Variants in MAK observed in about 807,000 individuals in gnomAD.
The protein encoded by MAK is male germ cell associated kinase, also known as serine/threonine-protein kinase MAK.
In MAK, 65 loss-of-function variants were observed where a neutral mutation model predicts 82.6. The observed-to-expected ratio is 0.79, with a 90% CI of 0.64 to 0.97. MAK has a LOEUF of 0.97. MAK is among the 50% of genes least tolerant of loss of function. The pLI, the probability that MAK is intolerant of heterozygous loss-of-function variation, is 0.00. For missense variants in MAK, 703 were observed against 780.2 expected (o/e 0.90, Z 1.18); for synonymous variants, 250 against 274.2 (o/e 0.91, Z 0.87).
chr6:10,777,719 A>G (rs191061603), intron 11 of MAK, among the ~76,000 whole-genome samples: 12 of 152,008 alleles, frequency 7.9e-5, no homozygotes, highest in Non-Finnish European at 1.3e-4. Context: ...GCTCACCAAA[A>G]CCTCCACCTC....
intron 1 of MAK, among the ~76,000 whole-genome samples, chr6:10,835,770 C>T (rs898896542): frequency 6.6e-5 from 10 of 152,022 alleles, no homozygotes; most frequent in African/African-American, 2.4e-4. Context: ...ATGATGGTAG[C>T]GAGTGTTATT....
intron 2 of MAK, chr6:10,829,114 A>G (rs1242866441): frequency 6.6e-6 from 1 of 152,148 alleles, no homozygotes; most frequent in Non-Finnish European, 1.5e-5. Flanking sequence ...CCATCAGAGA[A>G]CCCAAGCCAG....
intron 13 of MAK, 124 bp from the exon 14 acceptor site, chr6:10,770,354 T>C: frequency 9.6e-7 from 1 of 1,042,274 alleles, no homozygotes; most frequent in Non-Finnish European, 1.5e-6. Context: ...TTTTAGGCAC[T>C]GAGCTGCACT....
intron 5 of MAK, 95 bp from the exon 6 acceptor site, chr6:10,809,037 T>C: frequency 1.8e-6 from 2 of 1,124,120 alleles, no homozygotes; most frequent in South Asian, 1.3e-5. Flanking sequence ...GAACCCCCTC[T>C]TTTATAATTC....
chr6:10,825,980 A>T lies in MAK; in HGVS notation c.101+4568T>A, dbSNP rs952894326. Among the ~76,000 whole-genome samples the T allele has an allele frequency of 8.5e-5, 13 of 152,182 alleles. 1 individual carries two copies. The highest frequency in any genetic ancestry group is 3.1e-4 in the African/African-American group (13 of 41,444). On this transcript the variant is annotated intron_variant, in intron 2 of 14. Coordinates refer to ENST00000354489, the MANE Select transcript of MAK (RefSeq NM_001242957.3). ...AATCGTCTCCACTCTTCTGCTAATC[A>T]GCCAGTTCCAAAAATTTGATCACAT...
chr6:10,778,634 G>A (rs1359506203), intron 11 of MAK, among the ~76,000 whole-genome samples: 1 of 152,092 alleles, frequency 6.6e-6, no homozygotes, highest in Admixed American at 6.6e-5. Flanking sequence ...CAGTAAGGCT[G>A]CAGCAAGAAC....
chr6:10,825,714 G>A (rs941662954), intron 2 of MAK, among the ~76,000 whole-genome samples: 3 of 152,000 alleles, frequency 2.0e-5, no homozygotes, highest in Non-Finnish European at 4.4e-5. Flanking sequence ...CCAGGAGTTA[G>A]CCTGGACTCT....
intron 14 of MAK, among the ~76,000 whole-genome samples, chr6:10,768,968 G>T (rs1376474393): frequency 2.6e-5 from 4 of 152,190 alleles, no homozygotes; most frequent in Non-Finnish European, 5.9e-5. Context: ...CCAGAGTTTT[G>T]GGAGGCCAAG....
chr6:10,787,171 TCAC>T (rs928228231), intron 10 of MAK, among the ~76,000 whole-genome samples: 3 of 151,994 alleles, frequency 2.0e-5, no homozygotes, highest in Non-Finnish European at 2.9e-5. Flanking sequence ...CACCTCCTGT[TCAC>T]CACTCCGCTA....
In MAK at chr6:10,763,779, A is replaced by T. The variant is rs1460537291; in HGVS notation, c.*673T>A. ...GGCAGGAGAATCACTTGAACCCAGG[A>T]GGTGGAGGTTGCAGTAAGCCAAGAT... On this transcript the variant is annotated 3_prime_UTR_variant, in exon 15 of 15. Coordinates refer to ENST00000354489, the MANE Select transcript of MAK (RefSeq NM_001242957.3). 1 of 150,990 alleles carries T rather than the reference A, an allele frequency of 6.6e-6. No individual in the cohort carries two copies. Among genetic ancestry groups the T allele is most frequent in the Non-Finnish European group, 1.5e-5 (1 of 68,006 alleles). 9.4% of individuals were successfully genotyped at this position (150,990 alleles called of 1,614,324 possible). A position where few individuals can be genotyped will look rare whatever the true frequency, so the allele number is the denominator to read the frequency against.
intron 11 of MAK, among the ~76,000 whole-genome samples, chr6:10,779,747 C>T (rs569643108): frequency 1.3e-5 from 2 of 152,224 alleles, no homozygotes; most frequent in Admixed American, 6.5e-5. Context: ...TGCAATGGCA[C>T]TATCTTGGCT....
rs1336000951 is a variant in MAK, at chr6:10,791,715, C to A, written c.1276G>T (p.Gly426Cys). ...TTTTTCCTTTTTTCTTTAAAAACAC[C>A]CATGCTTGGCTTCTTGGAATGGGAG... ...GASHSKKPSM[G>C]VFKEKRKKDS... The change falls in exon 10 of 15, where the codon GGT (glycine) becomes TGT (cysteine). Residue 426 changes from glycine to cysteine, a missense_variant. Coordinates refer to ENST00000354489, the MANE Select transcript of MAK (RefSeq NM_001242957.3). 1 of 1,613,874 alleles carries A rather than the reference C, an allele frequency of 6.2e-7. No individual in the cohort carries two copies. The highest frequency in any genetic ancestry group is 1.1e-5 in the South Asian group (1 of 91,058).
intron 6 of MAK, among the ~76,000 whole-genome samples, chr6:10,804,632 T>G (rs1249769157): frequency 1.3e-5 from 2 of 152,218 alleles, no homozygotes; most frequent in African/African-American, 4.8e-5. Flanking sequence ...CATGAGCCAC[T>G]GCACCCAGCC....
At chr6:10,768,893 C>T (rs1439909899) in intron 14 of MAK, among the ~76,000 whole-genome samples, 1 of 152,154 alleles carries the variant, frequency 6.6e-6, no homozygotes, top group Non-Finnish European at 1.5e-5. Context: ...AGGCTGTGAG[C>T]ACACTTTCAG....
intron 1 of MAK, among the ~76,000 whole-genome samples, chr6:10,832,408 C>A (rs778150361): frequency 6.6e-6 from 1 of 152,232 alleles, no homozygotes; most frequent in Non-Finnish European, 1.5e-5. Context: ...ACAGAGAAAT[C>A]TTTTATGAAA....
intron 7 of MAK, chr6:10,802,319 T>A (rs368350910): frequency 8.8e-5 from 36 of 409,032 alleles, no homozygotes; most frequent in African/African-American, 6.7e-4. Context: ...TTTTGTGTTT[T>A]TTTTGAGACA....
chr6:10,766,294 A>T (rs1772426575), intron 14 of MAK, among the ~76,000 whole-genome samples: 1 of 152,208 alleles, frequency 6.6e-6, no homozygotes, highest in Non-Finnish European at 1.5e-5. Flanking sequence ...TGAGGAGGGA[A>T]TTCTGTGAGC....
At position 10,808,888 on chromosome 6, in the gene MAK, A is replaced by G. The variant is rs1561981577; in HGVS notation, c.413T>C (p.Leu138Pro). ...AAGTCCAAAATCAGCAATTTTCACAAGCTCTGGACCCATACAAAGCAAGTT... is the reference window on the plus strand; with the variant it reads ...AAGTCCAAAATCAGCAATTTTCACAGGCTCTGGACCCATACAAAGCAAGTT... Reference protein sequence around the residue: ...PENLLCMGPELVKIADFGLAR... With the variant: ...PENLLCMGPEPVKIADFGLAR... Residue 138 changes from leucine to proline, a missense_variant, in exon 6 of 15, where the codon CTT becomes CCT. Physicochemically the swap from Leu to Pro is moderately conservative, Grantham distance 98. Transcript: ENST00000354489. The G allele has an allele frequency of 3.1e-6, 5 of 1,613,936 alleles. No homozygotes were observed. The highest frequency in any genetic ancestry group is 4.5e-5 in the East Asian group (2 of 44,860).
intron 1 of MAK, 166 bp downstream of exon 1, chr6:10,838,337 C>T (rs1480910902): frequency 6.6e-6 from 1 of 152,378 alleles, no homozygotes; most frequent in Non-Finnish European, 1.5e-5. Flanking sequence ...CAGTCCTTCC[C>T]CTACCGGCGT....
Sources: gnomAD v4.1 joint callset for allele counts (sites outside exome capture counted in the v4.1 genomes callset) on GRCh38, gnomAD v4.1.1 for gene constraint, MANE v1.5 for transcripts, NCBI Gene and HGNC (gene_info 2026-07-23, HGNC 2026-07-21) for gene names.